PDE11A: variants seen among roughly 807,000 people sequenced by gnomAD.
The protein encoded by PDE11A is phosphodiesterase 11A.
PDE11A carries 100 observed loss-of-function variants against 100.5 expected under a neutral mutation model. That is an observed-to-expected ratio of 1.00 (90% CI 0.85 to 1.18). The LOEUF is 1.18. PDE11A is among the 50% of genes most tolerant of loss of function. The probability of loss-of-function intolerance (pLI) is 0.00; values close to 1 mark genes in which losing one functional copy is unlikely to be tolerated. For missense variants in PDE11A, 1,141 were observed against 1,152.6 expected (o/e 0.99, Z 0.15); for synonymous variants, 381 against 420.8 (o/e 0.91, Z 1.16).
intron 10 of PDE11A, among the ~76,000 whole-genome samples, chr2:177,752,548 T>C (rs924430485): frequency 6.6e-6 from 1 of 152,232 alleles, no homozygotes; most frequent in South Asian, 2.1e-4. Flanking sequence ...TAGACGCATA[T>C]ACCCAAACAT....
At chr2:177,698,274 C>T (rs1561316) in intron 14 of PDE11A, among the ~76,000 whole-genome samples, 2,594 of 152,266 alleles carry the variant, frequency 0.017, 67 homozygotes, top group African/African-American at 0.059. Context: ...CATCTTTATC[C>T]TCATACCTTT....
chr2:177,768,998 G>T (rs547515303), intron 10 of PDE11A, among the ~76,000 whole-genome samples: 1 of 152,228 alleles, frequency 6.6e-6, no homozygotes, highest in South Asian at 2.1e-4. Flanking sequence ...GCTTTTAACT[G>T]AACAGCAAGT....
At chr2:178,044,289 T>C (rs1167471021) in intron 1 of PDE11A, among the ~76,000 whole-genome samples, 7 of 110,720 alleles carry the variant, frequency 6.3e-5, no homozygotes, top group Admixed American at 5.2e-4. Flanking sequence ...AATAATGCAA[T>C]GACCAAAGAA....
At chr2:177,942,419 T>TTTTTA (rs2085355904) in intron 2 of PDE11A, among the ~76,000 whole-genome samples, 1 of 151,910 alleles carries the variant, frequency 6.6e-6, no homozygotes, top group African/African-American at 2.4e-5. Context: ...TTTTTTTTTT[T>TTTTTA]GAGACAGAGT....
At chr2:177,943,673 A>C (rs1226125531) in intron 2 of PDE11A, among the ~76,000 whole-genome samples, 1 of 152,038 alleles carries the variant, frequency 6.6e-6, no homozygotes, top group Non-Finnish European at 1.5e-5. Context: ...CTTCTGTTCT[A>C]TATGTTGCCT....
At chr2:178,006,822 AAGG>A (rs1223222726) in intron 2 of PDE11A, among the ~76,000 whole-genome samples, 1 of 9,442 alleles carries the variant, frequency 1.1e-4, no homozygotes, top group Non-Finnish European at 8.0e-4. Flanking sequence ...CTGTCAAAAC[AAGG>A]GGGGGGGGGG....
chr2:177,859,710 C>T (rs2083911610), intron 5 of PDE11A, among the ~76,000 whole-genome samples: 1 of 151,448 alleles, frequency 6.6e-6, no homozygotes, highest in South Asian at 2.1e-4. Flanking sequence ...ATAGCCCATA[C>T]TTTAGGTCAA....
intron 2 of PDE11A, among the ~76,000 whole-genome samples, chr2:178,102,611 T>C (rs1353382917): frequency 6.6e-6 from 1 of 151,966 alleles, no homozygotes; most frequent in African/African-American, 2.4e-5. Context: ...AGGGTCTTAC[T>C]ACATTGCCCA....
At chr2:177,957,909 C>G (rs183080126) in intron 2 of PDE11A, among the ~76,000 whole-genome samples, 8,099 of 62,054 alleles carry the variant, frequency 0.13, 295 homozygotes, top group African/African-American at 0.2. Context: ...TTTTCCAATG[C>G]CTTTTTTTTG....
chr2:177,929,534 C>A (rs2085178521), intron 2 of PDE11A, among the ~76,000 whole-genome samples: 1 of 152,174 alleles, frequency 6.6e-6, no homozygotes, highest in African/African-American at 2.4e-5. Context: ...TTCATCCGTA[C>A]AAGGACAAGA....
At chr2:177,762,177 G>A (rs1558925642) in intron 10 of PDE11A, among the ~76,000 whole-genome samples, 3 of 152,146 alleles carry the variant, frequency 2.0e-5, no homozygotes, top group African/African-American at 4.8e-5. Context: ...AGGACCCCAT[G>A]ATGACTGTAC....
intron 10 of PDE11A, among the ~76,000 whole-genome samples, chr2:177,748,998 A>G (rs2105474568): frequency 6.6e-6 from 1 of 152,354 alleles, no homozygotes; most frequent in Non-Finnish European, 1.5e-5. Context: ...AATAGCTTTT[A>G]CCACAACTAG....
rs553515280 is a variant in PDE11A, at chr2:177,977,479, G to T, written c.1071+36823C>A. On this transcript the variant is annotated intron_variant, in intron 2 of 19. Transcript: ENST00000286063. ...GAAGAACATTCCATGCTCATGGGTA[G>T]GAAGAATCAATATCGTGAAAATGGC... Among the ~76,000 whole-genome samples, 15 of 111,932 alleles carry T rather than the reference G, an allele frequency of 1.3e-4. No homozygotes were observed. The East Asian group carries it at 3.9e-3, about 29-fold the overall frequency. The allele number at this position is 111,932 out of a possible 152,430, so 73.4% of individuals were successfully genotyped here. A position where few individuals can be genotyped will look rare whatever the true frequency, so the allele number is the denominator to read the frequency against.
intron 5 of PDE11A, among the ~76,000 whole-genome samples, chr2:177,855,560 C>T (rs1192705262): frequency 6.6e-6 from 1 of 152,038 alleles, no homozygotes; most frequent in Non-Finnish European, 1.5e-5. Flanking sequence ...CTAGCAGCCA[C>T]TTGCAGAGGA....
At chr2:177,787,962 A>T (rs2082564611) in intron 9 of PDE11A, among the ~76,000 whole-genome samples, 1 of 152,062 alleles carries the variant, frequency 6.6e-6, no homozygotes, top group Admixed American at 6.6e-5. Context: ...CCCCACTGTC[A>T]ACATTAGACA....
intron 19 of PDE11A, among the ~76,000 whole-genome samples, chr2:177,638,639 G>C (rs2080090491): frequency 6.6e-6 from 1 of 152,196 alleles, no homozygotes; most frequent in Admixed American, 6.5e-5. Context: ...TTTTGTTCTG[G>C]AATATAGTCA....
At chr2:178,044,954 A>G (rs577721908) in intron 1 of PDE11A, among the ~76,000 whole-genome samples, 220 of 152,240 alleles carry the variant, frequency 1.4e-3, no homozygotes, top group African/African-American at 5.1e-3. Context: ...AAGGCAACAA[A>G]TGCCCCCAAA....
chr2:177,959,447 G>A (rs965037594), intron 2 of PDE11A, among the ~76,000 whole-genome samples: 5 of 152,140 alleles, frequency 3.3e-5, no homozygotes, highest in African/African-American at 9.7e-5. Context: ...ACATAGTCAT[G>A]GAGCACTAGT....
intron 1 of PDE11A, among the ~76,000 whole-genome samples, chr2:178,055,642 T>C (rs1057198113): frequency 3.3e-5 from 5 of 152,150 alleles, no homozygotes; most frequent in African/African-American, 1.2e-4. Flanking sequence ...GACCAACTAA[T>C]ATTTCTATTG....
Sources: allele counts gnomAD v4.1 joint callset (sites outside exome capture counted in the v4.1 genomes callset), GRCh38; gene constraint gnomAD v4.1.1; transcripts MANE v1.5; gene names NCBI Gene and HGNC (gene_info 2026-07-23, HGNC 2026-07-21).